The following SPOCK1 variants were observed in gnomAD, a reference collection of about 807,000 sequenced individuals.
The protein encoded by SPOCK1 is SPARC (osteonectin), cwcv and kazal like domains proteoglycan 1, also known as testican-1.
In SPOCK1, 23 loss-of-function variants were observed where a neutral mutation model predicts 55.3. The ratio of observed to expected loss-of-function variants is 0.42; its 90% CI spans 0.30 to 0.59. The LOEUF is 0.59. SPOCK1 is among the 20% of genes least tolerant of loss of function. The pLI is 0.22. For synonymous variants in SPOCK1, 226 were observed against 221.0 expected (o/e 1.02, Z -0.20); for missense variants, 499 against 552.5 (o/e 0.90, Z 0.97).
intron 2 of SPOCK1, among the ~76,000 whole-genome samples, chr5:137,365,794 G>A (rs1021923194): frequency 6.6e-6 from 1 of 152,126 alleles, no homozygotes; most frequent in African/African-American, 2.4e-5. Flanking sequence ...TGATAGAAAA[G>A]TTACTATATT....
At chr5:137,094,242 A>C (rs113970698) in intron 5 of SPOCK1, among the ~76,000 whole-genome samples, 1,677 of 152,262 alleles carry the variant, frequency 0.011, 23 homozygotes, top group Middle Eastern at 0.024. Flanking sequence ...GACACATTGA[A>C]TGTGAGATGC....
chr5:137,094,814 A>G (rs1312318716), intron 5 of SPOCK1, among the ~76,000 whole-genome samples: 2 of 152,232 alleles, frequency 1.3e-5, no homozygotes, highest in Non-Finnish European at 2.9e-5. Flanking sequence ...ATTTCCTCCA[A>G]TAACTTTTCA....
intron 2 of SPOCK1, among the ~76,000 whole-genome samples, chr5:137,395,973 G>A (rs988776281): frequency 4.6e-5 from 7 of 152,180 alleles, no homozygotes; most frequent in East Asian, 3.8e-4. Context: ...GCACCCATTC[G>A]TAACTCTGAA....
intron 5 of SPOCK1, among the ~76,000 whole-genome samples, chr5:137,083,855 T>C (rs776495891): frequency 9.2e-5 from 14 of 151,950 alleles, no homozygotes; most frequent in Non-Finnish European, 1.9e-4. Context: ...AGGAGTGAGC[T>C]ACAATGCAGT....
At chr5:137,088,421 A>G (rs559564326) in intron 5 of SPOCK1, among the ~76,000 whole-genome samples, 2 of 152,338 alleles carry the variant, frequency 1.3e-5, no homozygotes, top group Admixed American at 1.3e-4. Flanking sequence ...TCTATCTCCC[A>G]TATGGGTTTG....
intron 6 of SPOCK1, among the ~76,000 whole-genome samples, chr5:137,011,585 AT>A (rs1251987729): frequency 6.6e-6 from 1 of 152,134 alleles, no homozygotes; most frequent in East Asian, 1.9e-4. Context: ...CATCCCTGAA[AT>A]TTATTACATA....
At position 137,160,582 on chromosome 5, in the gene SPOCK1, A is replaced by AT. The variant is rs1168642825; in HGVS notation, c.233-19889dup. Among the ~76,000 whole-genome samples the AT allele has an allele frequency of 3.9e-4, 23 of 58,916 alleles. 2 individuals are homozygous for AT. The highest frequency in any genetic ancestry group is 1.5e-3 in the East Asian group (2 of 1,314). The allele number at this position is 58,916 out of a possible 152,430, so 38.7% of individuals were successfully genotyped here. The stretch of plus-strand genomic sequence containing the variant: ...TTATATATTATATATTATATAATAT[A>AT]TATAATATATAATATATTATATATA... On this transcript the variant is annotated intron_variant, in intron 3 of 10. Transcript: ENST00000394945.
At chr5:136,991,741 A>G (rs1260924278) in intron 7 of SPOCK1, among the ~76,000 whole-genome samples, 1 of 152,222 alleles carries the variant, frequency 6.6e-6, no homozygotes, top group East Asian at 1.9e-4. Context: ...AGAAGCCTAT[A>G]CCTAACTGCC....
chr5:137,419,393 G>A (rs1752432065), intron 2 of SPOCK1, among the ~76,000 whole-genome samples: 1 of 152,146 alleles, frequency 6.6e-6, no homozygotes, highest in African/African-American at 2.4e-5. Context: ...ACCTTGGGCA[G>A]TATGGCCATT....
chr5:137,087,541 G>A (rs1411195600), intron 5 of SPOCK1, among the ~76,000 whole-genome samples: 4 of 152,190 alleles, frequency 2.6e-5, no homozygotes, highest in Admixed American at 2.0e-4. Context: ...CTACCTCCAC[G>A]AGGTCTCTCA....
chr5:137,065,097 G>A (rs1330388188), intron 6 of SPOCK1, among the ~76,000 whole-genome samples: 1 of 151,960 alleles, frequency 6.6e-6, no homozygotes, highest in East Asian at 1.9e-4. Flanking sequence ...GCGTGGTGGT[G>A]CACGCCTCTA....
intron 2 of SPOCK1, among the ~76,000 whole-genome samples, chr5:137,287,380 C>A (rs141640054): frequency 6.6e-6 from 1 of 152,322 alleles, no homozygotes; most frequent in Non-Finnish European, 1.5e-5. Context: ...CATGCTCCTG[C>A]CTCAGGGCTC....
intron 2 of SPOCK1, among the ~76,000 whole-genome samples, chr5:137,466,829 T>C (rs2149838705): frequency 6.6e-6 from 1 of 152,338 alleles, no homozygotes; most frequent in East Asian, 1.9e-4. Flanking sequence ...TAGCTTAAAA[T>C]AGTGAGCATT....
chr5:137,347,193 T>G (rs1561511054), intron 2 of SPOCK1, among the ~76,000 whole-genome samples: 1 of 152,168 alleles, frequency 6.6e-6, no homozygotes, highest in African/African-American at 2.4e-5. Flanking sequence ...AAATAATGTT[T>G]AAATGCCTCA....
intron 2 of SPOCK1, among the ~76,000 whole-genome samples, chr5:137,372,441 A>C (rs1453664232): frequency 2.6e-5 from 4 of 152,238 alleles, no homozygotes; most frequent in Admixed American, 2.6e-4. Flanking sequence ...AGACACCTGC[A>C]CTGTAACTTT....
At chr5:137,233,062 G>C (rs1756097099) in intron 3 of SPOCK1, among the ~76,000 whole-genome samples, 2 of 152,134 alleles carry the variant, frequency 1.3e-5, no homozygotes, top group African/African-American at 4.8e-5. Context: ...ACAATATTCA[G>C]AATACCGATC....
chr5:137,400,156 T>A (rs990478442), intron 2 of SPOCK1, among the ~76,000 whole-genome samples: 1 of 152,168 alleles, frequency 6.6e-6, no homozygotes, highest in Non-Finnish European at 1.5e-5. Context: ...AGTGTGTGCA[T>A]CATAAGGTTG....
chr5:137,450,952 G>A (rs1224744590), intron 2 of SPOCK1, among the ~76,000 whole-genome samples: 7 of 151,898 alleles, frequency 4.6e-5, no homozygotes, highest in Non-Finnish European at 7.4e-5. Context: ...CATCTTCCCT[G>A]CCCACCCATG....
chr5:137,436,051 G>A (rs936986912), intron 2 of SPOCK1, among the ~76,000 whole-genome samples: 49 of 152,092 alleles, frequency 3.2e-4, no homozygotes, highest in African/African-American at 1.2e-3. Flanking sequence ...CAGCTACTCA[G>A]GAGGCTGAGG....
Sources: allele counts gnomAD v4.1 joint callset (sites outside exome capture counted in the v4.1 genomes callset), GRCh38; gene constraint gnomAD v4.1.1; transcripts MANE v1.5; gene names NCBI Gene and HGNC (gene_info 2026-07-23, HGNC 2026-07-21).